The following PHF3 variants were observed in gnomAD, a reference collection of about 807,000 sequenced individuals.
The protein encoded by PHF3 is PHD finger protein 3.
A neutral mutation model predicts 178.4 loss-of-function variants in PHF3; 41 were observed. That is an observed-to-expected ratio of 0.23 (90% CI 0.18 to 0.30). PHF3 has a LOEUF of 0.30. Among genes scored for constraint, PHF3 ranks in the 10% least tolerant of loss-of-function variants. The pLI, the probability that PHF3 is intolerant of heterozygous loss-of-function variation, is 1.00. For synonymous variants in PHF3, 842 were observed against 800.5 expected, an observed-to-expected ratio of 1.05 and a Z score of -0.88; for missense variants, 2,346 against 2,398.1, an observed-to-expected ratio of 0.98 and a Z score of 0.45.
At chr6:63,666,761 T>A (rs1228434529) in intron 2 of PHF3, among the ~76,000 whole-genome samples, 3 of 151,968 alleles carry the variant, frequency 2.0e-5, no homozygotes, top group Non-Finnish European at 4.4e-5. Context: ...CCTCCTTTTT[T>A]TTTTTTTTGA....
At chr6:63,706,358 T>C in intron 12 of PHF3, 134 bp downstream of exon 12, 1 of 651,690 alleles carries the variant, frequency 1.5e-6, no homozygotes, top group African/African-American at 1.8e-5. Flanking sequence ...TTTCCTGTAC[T>C]TTGAGATAAA....
chr6:63,639,258 C>T (rs567944538), intron 1 of PHF3, among the ~76,000 whole-genome samples: 2 of 152,162 alleles, frequency 1.3e-5, no homozygotes, highest in Non-Finnish European at 2.9e-5. Flanking sequence ...TAGACAGTTT[C>T]GAAGAGCGTG....
At position 63,712,381 on chromosome 6, in the gene PHF3, A is replaced by T; in HGVS notation, c.4793A>T (p.Gln1598Leu). 1 of 1,613,888 alleles carries T rather than the reference A, an allele frequency of 6.2e-7. No homozygotes were observed. The highest frequency in any genetic ancestry group is 8.5e-7 in the Non-Finnish European group (1 of 1,179,876). Residue 1598 changes from glutamine to leucine, a missense_variant, in exon 16 of 16, where the codon CAG becomes CTG. Gln to Leu is a moderately radical substitution (Grantham distance 113, BLOSUM62 -2). Around this residue, in one of 8 missense-constraint regions of PHF3, gnomAD observed 839 missense variants for 806.9 expected, o/e 1.04. Transcript: ENST00000262043. ...SKEKTLKRQL[Q>L]EDQENNLQDN... The stretch of plus-strand genomic sequence containing the variant: ...GAGAAAACATTAAAAAGACAGCTTC[A>T]GGAAGATCAAGAGAATAATTTGCAA...
rs1008180847 is a variant in PHF3, at chr6:63,717,687, A to G, written c.*3979A>G. Among the ~76,000 whole-genome samples, 1 of 152,136 alleles carries G rather than the reference A, an allele frequency of 6.6e-6. No homozygotes were observed. The highest frequency in any genetic ancestry group is 2.4e-5 in the African/African-American group (1 of 41,556). ...AAGCACTCAAAGGGCAGTGAATCCAATATAACTCTAAATATCCCCAAAATA... is the reference window on the plus strand; with the variant it reads ...AAGCACTCAAAGGGCAGTGAATCCAGTATAACTCTAAATATCCCCAAAATA... On this transcript the variant is annotated 3_prime_UTR_variant, in exon 16 of 16. Transcript: ENST00000262043.
chr6:63,697,363 TGA>T (rs1426110788), intron 6 of PHF3, among the ~76,000 whole-genome samples: 24 of 152,134 alleles, frequency 1.6e-4, no homozygotes, highest in African/African-American at 5.8e-4. Context: ...TGGTTTGAGA[TGA>T]GAGGAGAAAA....
At position 63,685,656 on chromosome 6, in the gene PHF3, A is replaced by G. The variant is rs747463707; in HGVS notation, c.1934A>G (p.Glu645Gly). Residue 645 changes from glutamate (E) to glycine (G), a missense_variant, in exon 4 of 16, where the codon GAA becomes GGA. This residue lies in a region of PHF3 where 843 missense variants were observed against 795.2 expected (regional missense o/e 1.06). Transcript: ENST00000262043. ...ATGAAAACCAATAGTCACGTGAAGGAAGAGCTTGAACACCCAGGCGTTGAG... is the reference window on the plus strand; with the variant it reads ...ATGAAAACCAATAGTCACGTGAAGGGAGAGCTTGAACACCCAGGCGTTGAG... ...PAMKTNSHVK[E>G]ELEHPGVEHF... The G allele has an allele frequency of 6.2e-7, 1 of 1,614,148 alleles. No homozygotes were observed. Among genetic ancestry groups the G allele is most frequent in the South Asian group, 1.1e-5 (1 of 91,086 alleles).
Position 63,714,489 on chromosome 6 carries a change from G to T in PHF3, c.*781G>T, listed in dbSNP as rs1481076287. 1 of 152,472 alleles carries T rather than the reference G, an allele frequency of 6.6e-6. No homozygotes were observed. Among genetic ancestry groups the T allele is most frequent in the Non-Finnish European group, 1.5e-5 (1 of 67,990 alleles). 9.4% of individuals were successfully genotyped at this position (152,472 alleles called of 1,614,324 possible). On this transcript the variant is annotated 3_prime_UTR_variant, in exon 16 of 16. Coordinates refer to ENST00000262043, the MANE Select transcript of PHF3 (RefSeq NM_001370348.2). ...TGTGACTTGAAATTCAGTAGTAAAA[G>T]AATTTCTTCTTTAAAGCTTTAATTA...
In PHF3 at chr6:63,721,336, A is replaced by T; in HGVS notation, c.*7628A>T. The T allele has an allele frequency of 6.4e-7, 1 of 1,552,010 alleles. No individual in the cohort carries two copies. Among genetic ancestry groups the T allele is most frequent in the Non-Finnish European group, 8.7e-7 (1 of 1,147,004 alleles). On this transcript the variant is annotated 3_prime_UTR_variant, in exon 16 of 16. Coordinates refer to ENST00000262043, the MANE Select transcript of PHF3 (RefSeq NM_001370348.2). ...CCAGCCCAATCTGGCAAACATCTGC[A>T]AGAAAAAGTTGTGCCATTTACTGTA... is the stretch of plus-strand genomic sequence containing the variant.
rs1766694186 is a variant in PHF3 at position 63,686,154 on chromosome 6, T to C, written c.2189+243T>C. ...CCAACAGCTGACATACATGGAAATA[T>C]TTTGTCATTGTCACAGGTTAGACAG... On this transcript the variant is annotated intron_variant, in intron 4 of 15. Coordinates refer to ENST00000262043, the MANE Select transcript of PHF3 (RefSeq NM_001370348.2). 6.3e-6 allele frequency: 3 copies of C among 476,626 alleles called. No homozygotes were observed. In the South Asian group the frequency reaches 1.1e-4, roughly 18 times the overall value. The allele number at this position is 476,626 out of a possible 1,614,324, so 29.5% of individuals were successfully genotyped here.
intron 4 of PHF3, among the ~76,000 whole-genome samples, chr6:63,687,559 TATC>T (rs1314571147): frequency 1.3e-5 from 2 of 152,200 alleles, no homozygotes; most frequent in Non-Finnish European, 2.9e-5. Flanking sequence ...TTTAAAAAAT[TATC>T]ATGTGGACAG....
chr6:63,639,733 G>A (rs1037891247), intron 1 of PHF3, among the ~76,000 whole-genome samples: 3 of 152,032 alleles, frequency 2.0e-5, no homozygotes, highest in African/African-American at 7.2e-5. Context: ...TTATAGGGTC[G>A]CTGTGAGGAA....
intron 2 of PHF3, among the ~76,000 whole-genome samples, chr6:63,670,699 T>C (rs2149567724): frequency 6.6e-6 from 1 of 152,386 alleles, no homozygotes; most frequent in Admixed American, 6.5e-5. Flanking sequence ...TTGTATGCAC[T>C]CATGCATTTG....
chr6:63,671,856 C>G (rs922148334), intron 2 of PHF3, among the ~76,000 whole-genome samples: 9 of 152,174 alleles, frequency 5.9e-5, no homozygotes, highest in Admixed American at 1.3e-4. Context: ...AGGTGATTCT[C>G]CTGCCTCAGC....
At chr6:63,643,927 T>C (rs1385933027) in intron 1 of PHF3, among the ~76,000 whole-genome samples, 1 of 152,190 alleles carries the variant, frequency 6.6e-6, no homozygotes, top group Non-Finnish European at 1.5e-5. Flanking sequence ...AAATTGCTCC[T>C]TTAGATGACT....
At chr6:63,641,985 A>G (rs774365418) in intron 1 of PHF3, among the ~76,000 whole-genome samples, 1 of 152,084 alleles carries the variant, frequency 6.6e-6, no homozygotes, top group Non-Finnish European at 1.5e-5. Context: ...TTTGCGTTCT[A>G]TTAATACTTG....
At position 63,711,654 on chromosome 6, in the gene PHF3, A is replaced by G. The variant is rs377561807; in HGVS notation, c.4066A>G (p.Ser1356Gly). 5 of 1,611,576 alleles carry G rather than the reference A, an allele frequency of 3.1e-6. No individual in the cohort carries two copies. In the African/African-American group the frequency reaches 5.4e-5, roughly 17 times the overall value. ...IIRQKLKRQH[S>G]ACASTSHIAE... ...TCGTCAGAAACTGAAGCGACAGCACAGTGCCTGTGCTAGTACTAGTCATAT... is the reference window on the plus strand; with the variant it reads ...TCGTCAGAAACTGAAGCGACAGCACGGTGCCTGTGCTAGTACTAGTCATAT... The change falls in exon 16 of 16, where the codon AGT becomes GGT. Residue 1356 changes from serine to glycine, a missense_variant. Ser to Gly is a moderately conservative substitution (Grantham distance 56). This residue lies in a region of PHF3 where 839 missense variants were observed against 806.9 expected (regional missense o/e 1.04). Coordinates refer to ENST00000262043, the MANE Select transcript of PHF3 (RefSeq NM_001370348.2).
At chr6:63,709,753 A>C (rs1264429055) in intron 14 of PHF3, among the ~76,000 whole-genome samples, 2 of 152,176 alleles carry the variant, frequency 1.3e-5, no homozygotes, top group African/African-American at 4.8e-5. Flanking sequence ...AGCCATCCAT[A>C]CATAGCTGCT....
chr6:63,646,823 T>A, intron 2 of PHF3, 28 bp downstream of exon 2: 1 of 1,340,304 alleles, frequency 7.5e-7, no homozygotes, highest in Non-Finnish European at 9.6e-7. Flanking sequence ...TTTTTTTTTT[T>A]TTTTTAGTCT....
intron 1 of PHF3, chr6:63,636,703 T>G (rs1178015802): frequency 6.6e-6 from 1 of 152,356 alleles, no homozygotes; most frequent in East Asian, 1.9e-4. Context: ...ATCCTCCAGT[T>G]ACCGCGCGCT....
Sources: gnomAD v4.1 joint callset for allele counts (sites outside exome capture counted in the v4.1 genomes callset) on GRCh38, gnomAD v4.1.1 for gene constraint, gnomAD v4.1.1 regional missense constraint, MANE v1.5 for transcripts, NCBI Gene and HGNC (gene_info 2026-07-23, HGNC 2026-07-21) for gene names.